The following FARSB variants were observed in gnomAD, a reference collection of about 807,000 sequenced individuals.
FARSB encodes the protein phenylalanyl-tRNA synthetase subunit beta, also known as phenylalanine--tRNA ligase beta subunit.
A neutral mutation model predicts 69.6 loss-of-function variants in FARSB; 40 were observed. The observed-to-expected ratio is 0.57, with a 90% confidence interval of 0.45 to 0.75. The LOEUF (loss-of-function observed/expected upper bound fraction) is 0.75, where lower values mean the gene tolerates loss of function less well. Among genes scored for constraint, FARSB ranks in the 30% least tolerant of loss-of-function variants. The pLI is 0.00. For synonymous variants in FARSB, 235 were observed against 247.2 expected, an observed-to-expected ratio of 0.95 and a Z score of 0.46; for missense variants, 632 against 722.9, an observed-to-expected ratio of 0.87 and a Z score of 1.44.
chr2:222,646,701 C>T (rs1443455038), intron 2 of FARSB, among the ~76,000 whole-genome samples: 1 of 152,194 alleles, frequency 6.6e-6, no homozygotes, highest in Non-Finnish European at 1.5e-5. Flanking sequence ...ATATCCATCT[C>T]GTCATCTTGT....
intron 10 of FARSB, among the ~76,000 whole-genome samples, chr2:222,625,475 T>C (rs1194976104): frequency 2.0e-5 from 3 of 152,226 alleles, no homozygotes; most frequent in Non-Finnish European, 2.9e-5. Flanking sequence ...GTCTGGAACC[T>C]TGCTACTCAA....
chr2:222,612,051 C>T (rs938566995), intron 15 of FARSB, among the ~76,000 whole-genome samples: 5 of 152,122 alleles, frequency 3.3e-5, no homozygotes, highest in African/African-American at 1.2e-4. Flanking sequence ...CAAAACAATA[C>T]AAAACCCAAA....
At chr2:222,575,222 T>C (rs13009608) in intron 16 of FARSB, among the ~76,000 whole-genome samples, 47,280 of 152,110 alleles carry the variant, frequency 0.31, 7,574 homozygotes, top group Middle Eastern at 0.45. Context: ...AGGACTAATG[T>C]GCCGTAAAGC....
At position 222,656,022 on chromosome 2, in the gene FARSB, T is replaced by G. The variant is rs748745231; in HGVS notation, c.52A>C (p.Thr18Pro). 6.3e-7 allele frequency: 1 copy of G among 1,597,110 alleles called. No individual in the cohort carries two copies. Among genetic ancestry groups the G allele is most frequent in the South Asian group, 1.1e-5 (1 of 89,176 alleles). ...GTATAGGGCCGCCACTCACTGTAGGTGCGGCCCAGGGCTTGGAAGAGCAGA... is the reference window on the plus strand; with the variant it reads ...GTATAGGGCCGCCACTCACTGTAGGGGCGGCCCAGGGCTTGGAAGAGCAGA... ...RDLLFQALGR[T>P]YTDEEFDELC... is the part of the protein sequence containing the mutation. Residue 18 changes from threonine to proline, a missense_variant, in exon 1 of 17, where the codon ACC becomes CCC. Thr to Pro is a conservative substitution (Grantham distance 38). Transcript: ENST00000281828.
chr2:222,597,106 G>A (rs199594161), intron 16 of FARSB, among the ~76,000 whole-genome samples: 26 of 152,188 alleles, frequency 1.7e-4, no homozygotes, highest in African/African-American at 5.3e-4. Context: ...AGACTAATGC[G>A]GCCAATGATG....
chr2:222,616,545 CA>C (rs11447332), intron 14 of FARSB, among the ~76,000 whole-genome samples: 37 of 74,118 alleles, frequency 5.0e-4, no homozygotes, highest in East Asian at 2.2e-3. Context: ...GACTCCATCT[CA>C]AAAAAAAAAA....
rs60965257 is a variant in FARSB, at chr2:222,623,733, GA to G, written c.1171-4del. ...TCAGTGAGCTTATTAAGAGGAAACT[GA>G]AAAAAAAAGCATCCACTTGATTTCA... is the stretch of plus-strand genomic sequence containing the variant. On this transcript the variant is annotated splice_polypyrimidine_tract_variant and splice_region_variant and intron_variant, in intron 12 of 16. Coordinates refer to ENST00000281828, the MANE Select transcript of FARSB (RefSeq NM_005687.5). The G allele has an allele frequency of 1.3e-4, 206 of 1,555,784 alleles. No homozygotes were observed. The highest frequency in any genetic ancestry group is 1.5e-4 in the Non-Finnish European group (175 of 1,140,692).
chr2:222,638,211 A>G (rs1004372318), intron 5 of FARSB, among the ~76,000 whole-genome samples: 5 of 152,234 alleles, frequency 3.3e-5, no homozygotes, highest in Admixed American at 2.0e-4. Context: ...AAAGCTCATT[A>G]AAGAGGTTAA....
chr2:222,574,753 AG>A (rs1464111569), intron 16 of FARSB, among the ~76,000 whole-genome samples: 1 of 152,222 alleles, frequency 6.6e-6, no homozygotes, highest in Non-Finnish European at 1.5e-5. Context: ...TTGTCATCAC[AG>A]GTTAAACACT....
chr2:222,656,056 C>G lies in FARSB; in HGVS notation c.18G>C (p.Val6=), dbSNP rs1411847952. ...GGGCTTGGAAGAGCAGATCACGCTT[C>G]ACGCTGACAGTCGGCATGGTGTGTC... MPTVS[V]KRDLLFQALG... Residue 6 remains valine (V), a synonymous_variant, in exon 1 of 17, where the codon GTG becomes GTC. Transcript: ENST00000281828. The G allele has an allele frequency of 6.3e-7, 1 of 1,597,456 alleles. No individual in the cohort carries two copies. Among genetic ancestry groups the G allele is most frequent in the East Asian group, 2.3e-5 (1 of 43,902 alleles).
chr2:222,648,598 C>T lies in FARSB; in HGVS notation c.114+142G>A, dbSNP rs369766904. 394 of 668,146 alleles carry T rather than the reference C, an allele frequency of 5.9e-4. 5 individuals are homozygous for T. The South Asian group carries it at 6.6e-3, about 11-fold the overall frequency. 41.4% of individuals were successfully genotyped at this position (668,146 alleles called of 1,614,324 possible). ...GGCAACAGACAGACATGGAGCTTAG[C>T]CCTCTGAACACAGAAATCATGGCCC... is the stretch of plus-strand genomic sequence containing the variant. On this transcript the variant is annotated intron_variant, in intron 2 of 16. Coordinates refer to ENST00000281828, the MANE Select transcript of FARSB (RefSeq NM_005687.5).
intron 7 of FARSB, 110 bp downstream of exon 7, chr2:222,633,089 G>C: frequency 1.4e-6 from 1 of 713,640 alleles, no homozygotes; most frequent in Non-Finnish European, 2.5e-6. Flanking sequence ...GAGATACTCA[G>C]ATTATGAGTT....
chr2:222,633,462 C>A (rs1402275540), intron 6 of FARSB, among the ~76,000 whole-genome samples, 155 bp from the exon 7 acceptor site: 1 of 151,856 alleles, frequency 6.6e-6, no homozygotes, highest in Non-Finnish European at 1.5e-5. Context: ...GCCGGTGGAT[C>A]ACCTGAGGTT....
intron 1 of FARSB, 67 bp downstream of exon 1, chr2:222,655,949 C>T (rs1692162815): frequency 1.5e-6 from 2 of 1,292,194 alleles, no homozygotes; most frequent in South Asian, 2.5e-5. Context: ...CGCCACATTG[C>T]CCTTTTGGAG....
intron 16 of FARSB, among the ~76,000 whole-genome samples, chr2:222,579,990 T>C (rs548939700): frequency 3.3e-5 from 5 of 152,312 alleles, no homozygotes; most frequent in African/African-American, 7.2e-5. Flanking sequence ...TTTAATAACA[T>C]GGATTAGTGA....
chr2:222,576,334 T>C (rs1311604581), intron 16 of FARSB, among the ~76,000 whole-genome samples: 4 of 151,984 alleles, frequency 2.6e-5, no homozygotes, highest in Admixed American at 6.6e-5. Flanking sequence ...TGCAATCTGA[T>C]ACTTAACCAC....
At chr2:222,609,806 T>C (rs545603647) in intron 15 of FARSB, among the ~76,000 whole-genome samples, 2 of 152,054 alleles carry the variant, frequency 1.3e-5, no homozygotes, top group African/African-American at 4.8e-5. Context: ...AGCATGAAAA[T>C]AGGGCTAGGA....
At chr2:222,621,626 A>T (rs764185423) in intron 13 of FARSB, among the ~76,000 whole-genome samples, 3 of 152,242 alleles carry the variant, frequency 2.0e-5, no homozygotes, top group Non-Finnish European at 4.4e-5. Flanking sequence ...TCCTATAACA[A>T]GGCTGAAGTA....
chr2:222,611,966 A>G (rs377619941), intron 15 of FARSB, among the ~76,000 whole-genome samples: 1 of 152,324 alleles, frequency 6.6e-6, no homozygotes, highest in East Asian at 1.9e-4. Flanking sequence ...TTTTGAGGAA[A>G]CCTAGTGTAA....
Sources: gnomAD v4.1 joint callset for allele counts (sites outside exome capture counted in the v4.1 genomes callset) on GRCh38, gnomAD v4.1.1 for gene constraint, MANE v1.5 for transcripts, NCBI Gene and HGNC (gene_info 2026-07-23, HGNC 2026-07-21) for gene names.